Variants in ATRX observed in about 807,000 individuals in gnomAD.
ATRX encodes the protein ATRX chromatin remodeler.
A neutral mutation model predicts 172.6 loss-of-function variants in ATRX; 12 were observed. The observed-to-expected ratio is 0.07, with a 90% CI of 0.04 to 0.11. The LOEUF (loss-of-function observed/expected upper bound fraction) is 0.11, where lower values mean the gene tolerates loss of function less well. Ranked by LOEUF, ATRX falls within the 10% of genes least tolerant of loss-of-function variation. The pLI, the probability that ATRX is intolerant of heterozygous loss-of-function variation, is 1.00. For missense variants in ATRX, 1,368 were observed against 1,767.4 expected (o/e 0.77, Z 4.05); for synonymous variants, 674 against 594.7 (o/e 1.13, Z -1.94).
intron 1 of ATRX, among the ~76,000 whole-genome samples, chrX:77,746,104 A>G (rs1318353371): frequency 9.0e-6 from 1 of 111,279 alleles, no homozygotes; most frequent in Non-Finnish European, 1.9e-5. Context: ...ATGTGTACAC[A>G]TGGACGTAGA....
rs782818193 is a variant in ATRX, at chrX:77,688,939, G to A, written c.485-12C>T. 1.7e-6 allele frequency: 2 copies of A among 1,146,880 alleles called. No homozygotes were observed. The highest frequency in any genetic ancestry group is 1.8e-5 in the African/African-American group (1 of 56,113). The allele number at this position is 1,146,880 out of a possible 1,213,427, so 94.5% of individuals were successfully genotyped here. A position where few individuals can be genotyped will look rare whatever the true frequency, so the allele number is the denominator to read the frequency against. On this transcript the variant is annotated splice_polypyrimidine_tract_variant and intron_variant, in intron 6 of 34. Coordinates refer to ENST00000373344, the MANE Select transcript of ATRX (RefSeq NM_000489.6). ...ATGAAGCCCATCTTCTAGGAGAAAG[G>A]AGTGGCTATTATTCACACATTTATA...
At chrX:77,770,728 A>T (rs1569546516) in intron 1 of ATRX, among the ~76,000 whole-genome samples, 2 of 112,485 alleles carry the variant, frequency 1.8e-5, no homozygotes, top group Non-Finnish European at 3.7e-5. Flanking sequence ...AAATTAGAAT[A>T]CAGATTTTTG....
At chrX:77,692,363 G>A (rs955024689) in intron 6 of ATRX, among the ~76,000 whole-genome samples, 1 of 111,885 alleles carries the variant, frequency 8.9e-6, no homozygotes, top group African/African-American at 3.2e-5. Flanking sequence ...TAGATTCTCA[G>A]AAAGATTCCT....
intron 19 of ATRX, among the ~76,000 whole-genome samples, chrX:77,623,811 ATC>A: frequency 8.9e-6 from 1 of 111,991 alleles, no homozygotes; most frequent in South Asian, 3.7e-4. Context: ...TCACATGATC[ATC>A]TCAATAGATT....
intron 28 of ATRX, among the ~76,000 whole-genome samples, 194 bp from the exon 29 acceptor site, chrX:77,559,040 A>G (rs1356096327): frequency 2.7e-5 from 3 of 111,423 alleles, no homozygotes; most frequent in Non-Finnish European, 5.7e-5. Flanking sequence ...GAAGAATCCT[A>G]TTGTTGGAAA....
intron 1 of ATRX, among the ~76,000 whole-genome samples, chrX:77,760,054 G>T (rs897869678): frequency 9.1e-6 from 1 of 110,279 alleles, no homozygotes. Context: ...GATTCTTAGG[G>T]ATACTAAACT....
chrX:77,608,133 G>GCTTTGGGAGGCCGAGA lies in ATRX; in HGVS notation c.5567-7570_5567-7569insTCTCGGCCTCCCAAAG, dbSNP rs782762265. Among the ~76,000 whole-genome samples the GCTTTGGGAGGCCGAGA allele has an allele frequency of 4.0e-4, 44 of 109,937 alleles. 1 individual carries two copies. The South Asian group carries it at 0.017, about 42-fold the overall frequency. On this transcript the variant is annotated intron_variant, in intron 22 of 34. Coordinates refer to ENST00000373344, the MANE Select transcript of ATRX (RefSeq NM_000489.6). ...ACAGTGGCTCACACCTGTAATCCCA[G>GCTTTGGGAGGCCGAGA]CACTTTGGGAGGCCGAGGCAGGCGG... is the stretch of plus-strand genomic sequence containing the variant.
At position 77,609,828 on chromosome X, in the gene ATRX, C is replaced by T. The variant is rs781889067; in HGVS notation, c.5566+6785G>A. On this transcript the variant is annotated intron_variant, in intron 22 of 34. Coordinates refer to ENST00000373344, the MANE Select transcript of ATRX (RefSeq NM_000489.6). ...CTCACAGAGATAGAATGTAGAACAG[C>T]AGTTAATAGAGGCTGCGAAGGGTAG... 7.2e-5 allele frequency among the ~76,000 whole-genome samples: 8 copies of T among 111,554 alleles called. No individual in the cohort carries two copies. In the South Asian group the frequency reaches 3.0e-3, roughly 42 times the overall value.
chrX:77,736,814 C>G (rs1259921747), intron 1 of ATRX, among the ~76,000 whole-genome samples: 1 of 111,693 alleles, frequency 9.0e-6, no homozygotes, highest in Non-Finnish European at 1.9e-5. Context: ...TTGGATGCAA[C>G]CTAAGTATCC....
At chrX:77,618,760 A>T (rs2148256661) in intron 21 of ATRX, 46 bp downstream of exon 21, 1 of 1,100,591 alleles carries the variant, frequency 9.1e-7, no homozygotes, top group Non-Finnish European at 1.3e-6. Flanking sequence ...TGGGATTGTT[A>T]TATAAAAAAG....
chrX:77,636,222 A>T (rs1426915317), intron 15 of ATRX, among the ~76,000 whole-genome samples, 166 bp from the exon 16 acceptor site: 1 of 112,218 alleles, frequency 8.9e-6, no homozygotes, highest in East Asian at 2.8e-4. Flanking sequence ...TGTTAATTGT[A>T]ATCCCCAATG....
chrX:77,772,071 G>A (rs1417713201), intron 1 of ATRX, among the ~76,000 whole-genome samples: 1 of 111,221 alleles, frequency 9.0e-6, no homozygotes, highest in Non-Finnish European at 1.9e-5. Context: ...GAGGCGGGCG[G>A]ATCACCTGAG....
intron 28 of ATRX, among the ~76,000 whole-genome samples, chrX:77,573,991 A>T (rs1166461639): frequency 9.0e-6 from 1 of 111,079 alleles, no homozygotes; most frequent in African/African-American, 3.3e-5. Context: ...ACAATTTTTA[A>T]AAATTATTGG....
At chrX:77,722,626 A>C (rs1447772155) in intron 1 of ATRX, among the ~76,000 whole-genome samples, 2 of 112,085 alleles carry the variant, frequency 1.8e-5, no homozygotes, top group Admixed American at 9.5e-5. Context: ...AAATGCAAAT[A>C]AAAACCACAA....
chrX:77,772,309 C>CAA (rs782216980), intron 1 of ATRX, among the ~76,000 whole-genome samples: 2 of 56,840 alleles, frequency 3.5e-5, no homozygotes, highest in Non-Finnish European at 6.8e-5. Flanking sequence ...GAATCCGTCT[C>CAA]AAAAAAAAAA....
intron 21 of ATRX, among the ~76,000 whole-genome samples, chrX:77,617,070 GT>G (rs1329596507): frequency 9.0e-6 from 1 of 111,714 alleles, no homozygotes; most frequent in Non-Finnish European, 1.9e-5. Context: ...AGGGGATGTA[GT>G]AGGTAGTGTG....
chrX:77,771,373 C>CAA (rs1166853044), intron 1 of ATRX, among the ~76,000 whole-genome samples: 3 of 76,517 alleles, frequency 3.9e-5, no homozygotes, highest in African/African-American at 1.4e-4. Context: ...GACTCCGTCT[C>CAA]AAAAAAAAAA....
At chrX:77,599,384 G>C (rs782651693) in intron 25 of ATRX, 27 bp downstream of exon 25, 2 of 1,206,066 alleles carry the variant, frequency 1.7e-6, no homozygotes, top group Non-Finnish European at 2.2e-6. Context: ...ACTGTTCCAT[G>C]ATAAAGGCAA....
Position 77,683,388 on chromosome X carries a change from T to C in ATRX, c.1868A>G (p.Lys623Arg), listed in dbSNP as rs145678415. The C allele has an allele frequency of 2.4e-5, 29 of 1,209,580 alleles. No individual in the cohort carries two copies. The Middle Eastern group carries it at 6.9e-4, about 29-fold the overall frequency. ...CTGTCCAAGTCCACATTTCTCTAAC[T>C]TGGGGTTCAGACCACAACTTTTATA... ...DGYKSCGLNP[K>R]LEKCGLGQEN... The change falls in exon 9 of 35, where the codon AAG becomes AGG. Residue 623 changes from lysine (K) to arginine (R), a missense_variant. Physicochemically the swap from Lys to Arg is conservative, Grantham distance 26. Coordinates refer to ENST00000373344, the MANE Select transcript of ATRX (RefSeq NM_000489.6).
Sources: allele counts gnomAD v4.1 joint callset (sites outside exome capture counted in the v4.1 genomes callset), GRCh38; gene constraint gnomAD v4.1.1; transcripts MANE v1.5; gene names NCBI Gene and HGNC (gene_info 2026-07-23, HGNC 2026-07-21).